FHIP1A: variants seen among roughly 807,000 people sequenced by gnomAD.
The protein encoded by FHIP1A is FHF complex subunit HOOK interacting protein 1A.
FHIP1A carries 61 observed loss-of-function variants against 88.6 expected under a neutral mutation model. That is an observed-to-expected ratio of 0.69 (90% confidence interval 0.56 to 0.85). FHIP1A has a LOEUF of 0.85. Ranked by LOEUF, FHIP1A falls within the 40% of genes least tolerant of loss-of-function variation. The probability of loss-of-function intolerance (pLI) is 0.00; values close to 1 mark genes in which losing one functional copy is unlikely to be tolerated. For synonymous variants in FHIP1A, 478 were observed against 496.0 expected (o/e 0.96, Z 0.48); for missense variants, 1,154 against 1,273.5 (o/e 0.91, Z 1.43).
At chr4:151,536,758 T>G (rs1732084336) in intron 3 of FHIP1A, among the ~76,000 whole-genome samples, 1 of 152,242 alleles carries the variant, frequency 6.6e-6, no homozygotes, top group East Asian at 1.9e-4. Flanking sequence ...GAAATAAAAC[T>G]ACTATGAACA....
rs1343227376 is a variant in FHIP1A, at chr4:151,646,725, C to A, written c.1394C>A (p.Ser465Ter). 1.3e-6 allele frequency: 2 copies of A among 1,550,644 alleles called. No individual in the cohort carries two copies. The highest frequency in any genetic ancestry group is 2.4e-5 in the East Asian group (1 of 40,920). The change falls in exon 10 of 14, where the codon TCA (serine) becomes TAA (stop). Residue 465 changes from serine to a stop codon, truncating the protein, a stop_gained. Coordinates refer to ENST00000435205, the MANE Select transcript of FHIP1A (RefSeq NM_001109977.3). LOFTEE classifies it high-confidence loss of function. ...CAAGAGAGGGATTATATTCTCTGGT[C>A]AAAGTGTATGCATGACACTTCAGGT... ...GNQERDYILW[S>*]KCMHDTSGPV... is the part of the protein sequence containing the mutation.
intron 7 of FHIP1A, among the ~76,000 whole-genome samples, chr4:151,607,325 G>A (rs4696273): frequency 0.28 from 42,800 of 151,940 alleles, 6,275 homozygotes; most frequent in Non-Finnish European, 0.33. Flanking sequence ...CCTGTTGTGG[G>A]CCTGCAACTA....
chr4:151,476,977 TAAAA>T (rs574889888), intron 2 of FHIP1A, among the ~76,000 whole-genome samples: 1 of 151,326 alleles, frequency 6.6e-6, no homozygotes, highest in African/African-American at 2.4e-5. Flanking sequence ...TCCTGATGTG[TAAAA>T]AAAAAGATAC....
chr4:151,518,635 T>TTCAC (rs1731335867), intron 3 of FHIP1A, among the ~76,000 whole-genome samples: 1 of 81,458 alleles, frequency 1.2e-5, no homozygotes, highest in African/African-American at 5.3e-5. Flanking sequence ...AACTATCCAT[T>TTCAC]TCCCTCCCTC....
At chr4:151,537,030 A>G (rs1210899130) in intron 3 of FHIP1A, among the ~76,000 whole-genome samples, 1 of 152,008 alleles carries the variant, frequency 6.6e-6, no homozygotes, top group African/African-American at 2.4e-5. Context: ...GGTCACCACT[A>G]ACCCAGCTAA....
Position 151,577,464 on chromosome 4 carries a change from G to A in FHIP1A, c.120G>A (p.Leu40=), listed in dbSNP as rs1209663298. Residue 40 remains leucine, a synonymous_variant, in exon 5 of 14, where the codon TTG becomes TTA. Transcript: ENST00000435205. ...KNHWAQVVKI[L]EKHDPLKNTQ... ...CTTGGTTACAGGTTGTGAAAATCTT[G>A]GAGAAGCACGACCCCTTGAAGAACA... The A allele has an allele frequency of 2.0e-6, 3 of 1,533,032 alleles. No individual in the cohort carries two copies. The highest frequency in any genetic ancestry group is 2.6e-6 in the Non-Finnish European group (3 of 1,135,474). The allele number at this position is 1,533,032 out of a possible 1,614,324, so 95.0% of individuals were successfully genotyped here.
intron 11 of FHIP1A, among the ~76,000 whole-genome samples, chr4:151,655,227 A>T (rs1737187717): frequency 6.6e-6 from 1 of 152,242 alleles, no homozygotes; most frequent in Non-Finnish European, 1.5e-5. Flanking sequence ...CAATAGCTCC[A>T]CCAAGGGAAA....
chr4:151,479,583 G>A (rs1042513068), intron 2 of FHIP1A, among the ~76,000 whole-genome samples: 1 of 151,968 alleles, frequency 6.6e-6, no homozygotes, highest in Non-Finnish European at 1.5e-5. Context: ...TTCGTTGGTT[G>A]GTTGGTTAAT....
intron 2 of FHIP1A, among the ~76,000 whole-genome samples, chr4:151,466,471 G>GA (rs1351942575): frequency 1.3e-5 from 2 of 152,036 alleles, no homozygotes; most frequent in African/African-American, 4.8e-5. Flanking sequence ...CACAGAATTA[G>GA]AAAAACTACT....
chr4:151,593,591 C>T (rs932440546), intron 7 of FHIP1A, among the ~76,000 whole-genome samples: 4 of 151,958 alleles, frequency 2.6e-5, no homozygotes, highest in African/African-American at 7.3e-5. Context: ...TAGGAATGCT[C>T]GTGATTTTGC....
At chr4:151,658,607 GC>G (rs1030556589) in intron 13 of FHIP1A, among the ~76,000 whole-genome samples, 23 of 152,250 alleles carry the variant, frequency 1.5e-4, no homozygotes, top group African/African-American at 5.3e-4. Flanking sequence ...CATTCTGTTG[GC>G]CAAAGCAAGA....
intron 3 of FHIP1A, among the ~76,000 whole-genome samples, chr4:151,551,969 C>T (rs1161895320): frequency 6.6e-6 from 1 of 152,012 alleles, no homozygotes; most frequent in Non-Finnish European, 1.5e-5. Context: ...ACAAAGAACT[C>T]AAACAAATTT....
intron 8 of FHIP1A, among the ~76,000 whole-genome samples, chr4:151,634,020 T>C (rs537295128): frequency 7.9e-5 from 12 of 151,890 alleles, no homozygotes; most frequent in African/African-American, 2.9e-4. Flanking sequence ...ATCATATATA[T>C]AGAAAACCCT....
chr4:151,519,824 A>G (rs1731389958), intron 3 of FHIP1A, among the ~76,000 whole-genome samples: 1 of 152,082 alleles, frequency 6.6e-6, no homozygotes, highest in Admixed American at 6.6e-5. Context: ...TCAGTTTTTA[A>G]ACTTTGGTCA....
intron 3 of FHIP1A, among the ~76,000 whole-genome samples, chr4:151,497,026 A>G (rs1003636576): frequency 2.0e-5 from 3 of 152,128 alleles, no homozygotes; most frequent in African/African-American, 7.2e-5. Flanking sequence ...ATAGCTGGGA[A>G]TTTTGGGACC....
At chr4:151,469,797 C>T (rs1426997167) in intron 2 of FHIP1A, among the ~76,000 whole-genome samples, 1 of 152,186 alleles carries the variant, frequency 6.6e-6, no homozygotes, top group Non-Finnish European at 1.5e-5. Flanking sequence ...TTGCCTTCCA[C>T]AGATACCTTT....
chr4:151,468,988 C>T (rs1729422292), intron 2 of FHIP1A, among the ~76,000 whole-genome samples: 1 of 151,974 alleles, frequency 6.6e-6, no homozygotes. Context: ...CCAAGAACCA[C>T]CCCTGATAGC....
Position 151,650,180 on chromosome 4 carries a change from G to C in FHIP1A, c.2139G>C (p.Lys713Asn), listed in dbSNP as rs778921797. The change falls in exon 11 of 14, where the codon AAG becomes AAC. Residue 713 changes from lysine (K) to asparagine (N), a missense_variant. Transcript: ENST00000435205. ...TTCACAGTGAGCCCAAGGAGCCAAA[G>C]CAAGAGAGGGAACCTGAAGCAGCCC... Reference protein sequence around the residue: ...DPFHSEPKEPKQEREPEAAPE... With the variant: ...DPFHSEPKEPNQEREPEAAPE... The C allele has an allele frequency of 3.2e-5, 50 of 1,551,714 alleles. No individual in the cohort carries two copies. Among genetic ancestry groups the C allele is most frequent in the Non-Finnish European group, 4.4e-5 (50 of 1,146,990 alleles).
intron 1 of FHIP1A, among the ~76,000 whole-genome samples, chr4:151,450,648 C>T (rs539452239): frequency 6.6e-6 from 1 of 152,286 alleles, no homozygotes; most frequent in Non-Finnish European, 1.5e-5. Context: ...ATTTGCTCTC[C>T]AAAATTGTTG....
Sources: allele counts gnomAD v4.1 joint callset (sites outside exome capture counted in the v4.1 genomes callset), GRCh38; gene constraint gnomAD v4.1.1; transcripts MANE v1.5; gene names NCBI Gene and HGNC (gene_info 2026-07-23, HGNC 2026-07-21).